Variants in PREX1 observed in about 807,000 individuals in gnomAD.
The protein encoded by PREX1 is phosphatidylinositol 3,4,5-trisphosphate-dependent Rac exchanger 1 protein.
PREX1 carries 41 observed loss-of-function variants against 198.3 expected under a neutral mutation model. The ratio of observed to expected loss-of-function variants is 0.21; its 90% confidence interval spans 0.16 to 0.27. The LOEUF is 0.27. Ranked by LOEUF, PREX1 falls within the 10% of genes least tolerant of loss-of-function variation. The pLI is 1.00. For missense variants in PREX1, 1,620 were observed against 2,200.7 expected, an observed-to-expected ratio of 0.74 and a Z score of 5.28; for synonymous variants, 843 against 887.2, an observed-to-expected ratio of 0.95 and a Z score of 0.89.
chr20:48,682,637 C>T (rs770360642), intron 10 of PREX1, among the ~76,000 whole-genome samples: 1 of 152,190 alleles, frequency 6.6e-6, no homozygotes, highest in Non-Finnish European at 1.5e-5. Flanking sequence ...TGCTCCCAGG[C>T]CAGAGGAAGA....
intron 5 of PREX1, among the ~76,000 whole-genome samples, chr20:48,709,230 C>G (rs1009572901): frequency 6.6e-6 from 1 of 152,248 alleles, no homozygotes; most frequent in African/African-American, 2.4e-5. Flanking sequence ...GTCAGTCTTT[C>G]ATCCCGAACT....
intron 7 of PREX1, among the ~76,000 whole-genome samples, chr20:48,693,434 A>G (rs1005153318): frequency 5.9e-5 from 9 of 152,198 alleles, no homozygotes; most frequent in African/African-American, 2.2e-4. Flanking sequence ...AAGAGGCCCC[A>G]GAGAGCTGGC....
intron 18 of PREX1, 95 bp from the exon 19 acceptor site, chr20:48,655,470 G>C (rs572425059): frequency 1.8e-6 from 2 of 1,081,874 alleles, no homozygotes; most frequent in Non-Finnish European, 2.6e-6. Flanking sequence ...TTCTGCCTTG[G>C]AAACACTGGG....
chr20:48,637,571 G>A, intron 31 of PREX1, 140 bp downstream of exon 31: 3 of 848,738 alleles, frequency 3.5e-6, no homozygotes, highest in Non-Finnish European at 5.3e-6. Context: ...AGAGGAAGAA[G>A]CAAGTTTCAA....
chr20:48,798,558 C>T (rs939895350), intron 1 of PREX1, among the ~76,000 whole-genome samples: 3 of 152,326 alleles, frequency 2.0e-5, no homozygotes, highest in Admixed American at 6.5e-5. Flanking sequence ...CCAGCCTCCC[C>T]GCTGCACTTA....
chr20:48,626,358 T>G (rs765868455), intron 39 of PREX1, among the ~76,000 whole-genome samples: 11 of 152,232 alleles, frequency 7.2e-5, no homozygotes, highest in Non-Finnish European at 1.3e-4. Context: ...CAGACTGCAA[T>G]GCTGCACATG....
rs62621889 is a variant in PREX1 at position 48,658,195 on chromosome 20, T to C, written c.1915A>G (p.Ile639Val). ...ACCACAGCCTTGTTCTTCTCCTCGATGTCAAAGCCATAGTCCTCCTCCTGG... is the reference window on the plus strand; with the variant it reads ...ACCACAGCCTTGTTCTTCTCCTCGACGTCAAAGCCATAGTCCTCCTCCTGG... ...LPQEEDYGFD[I>V]EEKNKAVVVK... is the part of the protein sequence containing the mutation. Residue 639 changes from isoleucine (I) to valine (V), a missense_variant, in exon 17 of 40, where the codon ATC becomes GTC. Ile to Val is a conservative substitution (Grantham distance 29). Transcript: ENST00000371941. The C allele has an allele frequency of 1.7e-3, 2,774 of 1,614,136 alleles. 34 individuals are homozygous for C. The African/African-American group carries it at 0.033, about 19-fold the overall frequency.
At chr20:48,775,149 A>T (rs945856854) in intron 1 of PREX1, among the ~76,000 whole-genome samples, 2 of 152,184 alleles carry the variant, frequency 1.3e-5, no homozygotes, top group Admixed American at 6.5e-5. Context: ...CGCATGTAGC[A>T]CGTCCAGAAG....
At chr20:48,824,108 A>T (rs370246394) in intron 1 of PREX1, among the ~76,000 whole-genome samples, 1 of 152,138 alleles carries the variant, frequency 6.6e-6, no homozygotes. Context: ...CAGGGCCTCG[A>T]AATGATTCGA....
chr20:48,833,606 TA>T, the PREX1 span, among the ~76,000 whole-genome samples: 1 of 152,032 alleles, frequency 6.6e-6, no homozygotes, highest in Non-Finnish European at 1.5e-5. Flanking sequence ...CACGCCCAGC[TA>T]ATTTTTGTGT....
intron 1 of PREX1, among the ~76,000 whole-genome samples, chr20:48,824,326 A>G (rs2090499877): frequency 6.6e-6 from 1 of 152,162 alleles, no homozygotes; most frequent in South Asian, 2.1e-4. Flanking sequence ...AAGGAACCAC[A>G]AAGCCCTCGG....
At chr20:48,669,984 A>G (rs2089664497) in intron 14 of PREX1, among the ~76,000 whole-genome samples, 1 of 152,138 alleles carries the variant, frequency 6.6e-6, no homozygotes, top group South Asian at 2.1e-4. Context: ...ACCATGTACA[A>G]GGAGCTGCAG....
intron 1 of PREX1, among the ~76,000 whole-genome samples, chr20:48,787,607 TA>T (rs200161913): frequency 0.019 from 2,499 of 134,266 alleles, 27 homozygotes; most frequent in African/African-American, 0.038. Context: ...CCCCTTACAT[TA>T]AAAAAAAAAA....
chr20:48,739,899 T>C (rs769026472), intron 3 of PREX1, among the ~76,000 whole-genome samples: 64 of 151,894 alleles, frequency 4.2e-4, no homozygotes, highest in Non-Finnish European at 8.2e-4. Context: ...CTTTAAAGAG[T>C]GTTGTGAAGT....
chr20:48,678,550 T>C (rs1200606701), intron 13 of PREX1, among the ~76,000 whole-genome samples: 2 of 152,268 alleles, frequency 1.3e-5, no homozygotes, highest in East Asian at 3.9e-4. Flanking sequence ...AAATCTCATC[T>C]TGAATGGCAG....
chr20:48,803,804 A>G (rs2090398154), intron 1 of PREX1, among the ~76,000 whole-genome samples: 2 of 152,210 alleles, frequency 1.3e-5, no homozygotes, highest in African/African-American at 4.8e-5. Flanking sequence ...TACTTGGTTC[A>G]TGGATGGGTC....
At chr20:48,836,741 T>TC in the PREX1 span, among the ~76,000 whole-genome samples, 1 of 151,650 alleles carries the variant, frequency 6.6e-6, no homozygotes, top group South Asian at 2.1e-4. Context: ...CTGGCAAAAC[T>TC]CCATCTCTAC....
intron 5 of PREX1, among the ~76,000 whole-genome samples, chr20:48,716,260 G>A (rs1448818341): frequency 6.6e-6 from 1 of 152,196 alleles, no homozygotes; most frequent in East Asian, 1.9e-4. Flanking sequence ...GGATGTTGGC[G>A]CAGAGAAGCC....
intron 37 of PREX1, 59 bp from the exon 38 acceptor site, chr20:48,628,022 A>G: frequency 9.7e-7 from 1 of 1,027,094 alleles, no homozygotes; most frequent in Non-Finnish European, 1.5e-6. Flanking sequence ...TCGGGGGAGG[A>G]CAGCGGGAGT....
Sources: allele counts gnomAD v4.1 joint callset (sites outside exome capture counted in the v4.1 genomes callset), GRCh38; gene constraint gnomAD v4.1.1; transcripts MANE v1.5; gene names NCBI Gene and HGNC (gene_info 2026-07-23, HGNC 2026-07-21).